Variants in C2orf49 observed in about 807,000 individuals in gnomAD.
C2orf49 encodes the protein tRNA splicing ligase complex subunit 2.
C2orf49 carries 11 observed loss-of-function variants against 20.6 expected under a neutral mutation model. The observed-to-expected ratio is 0.53, with a 90% CI of 0.34 to 0.88. The LOEUF is 0.88. Ranked by LOEUF, C2orf49 falls within the 40% of genes least tolerant of loss-of-function variation. The probability of loss-of-function intolerance (pLI) is 0.02; values close to 1 mark genes in which losing one functional copy is unlikely to be tolerated. For missense variants in C2orf49, 289 were observed against 274.2 expected, an observed-to-expected ratio of 1.05 and a Z score of -0.38; for synonymous variants, 134 against 108.5, an observed-to-expected ratio of 1.24 and a Z score of -1.46.
At chr2:105,359,307 A>G in the C2orf49 span, 3 of 152,214 alleles carry the variant, frequency 2.0e-5, no homozygotes, top group South Asian at 6.2e-4. Context: ...TTACTTTTAT[A>G]TTATGAAGTA....
intron 1 of C2orf49, among the ~76,000 whole-genome samples, chr2:105,339,087 G>T (rs1441096621): frequency 6.6e-6 from 1 of 152,210 alleles, no homozygotes; most frequent in Non-Finnish European, 1.5e-5. Flanking sequence ...GGTATTATTT[G>T]AAATCTTGGT....
At chr2:105,364,883 T>C in the C2orf49 span, among the ~76,000 whole-genome samples, 1 of 152,236 alleles carries the variant, frequency 6.6e-6, no homozygotes, top group Non-Finnish European at 1.5e-5. Context: ...ACTAGAATTC[T>C]GGACTCCCTT....
At chr2:105,373,147 G>A in the C2orf49 span, among the ~76,000 whole-genome samples, 9 of 152,340 alleles carry the variant, frequency 5.9e-5, no homozygotes, top group East Asian at 1.4e-3. Flanking sequence ...TGCTCAGCTC[G>A]AGCCCAGTGC....
chr2:105,341,941 G>A (rs1679682100), intron 2 of C2orf49, among the ~76,000 whole-genome samples: 2 of 152,226 alleles, frequency 1.3e-5, no homozygotes, highest in Admixed American at 1.3e-4. Context: ...ATGTTGGGAG[G>A]CGGGCGGATT....
At chr2:105,340,060 G>T (rs1458611837) in intron 2 of C2orf49, among the ~76,000 whole-genome samples, 1 of 152,208 alleles carries the variant, frequency 6.6e-6, no homozygotes, top group Non-Finnish European at 1.5e-5. Context: ...TTAGTAGAGA[G>T]ACCTGTAGGA....
rs1465241241 is a variant in C2orf49 at position 105,348,091 on chromosome 2, A to C, written c.*2720A>C. 3 of 151,964 alleles carry C rather than the reference A, an allele frequency of 2.0e-5. No homozygotes were observed. Among genetic ancestry groups the C allele is most frequent in the Non-Finnish European group, 4.4e-5 (3 of 68,016 alleles). 9.4% of individuals were successfully genotyped at this position (151,964 alleles called of 1,614,324 possible). On this transcript the variant is annotated 3_prime_UTR_variant, in exon 4 of 4. Coordinates refer to ENST00000258457, the MANE Select transcript of C2orf49 (RefSeq NM_024093.3). ...TAATTCTCCTTCCTCCTTACTGTAG[A>C]TCCCAAGCTTCTAGCTTAGGTTTGC...
the C2orf49 span, chr2:105,361,411 A>G: frequency 1.2e-6 from 2 of 1,613,946 alleles, no homozygotes; most frequent in Non-Finnish European, 1.7e-6. Flanking sequence ...TCCTCAAAGG[A>G]GATGTATTTT....
chr2:105,373,993 C>CTAAAAA, the C2orf49 span: 1 of 501,778 alleles, frequency 2.0e-6, no homozygotes, highest in Non-Finnish European at 3.6e-6. Flanking sequence ...AGAGATGCTT[C>CTAAAAA]TAAAAAACAA....
chr2:105,355,391 C>T, the C2orf49 span, among the ~76,000 whole-genome samples: 7 of 152,134 alleles, frequency 4.6e-5, no homozygotes, highest in African/African-American at 1.2e-4. Context: ...CAATGACAAT[C>T]GTCTCTGCAG....
downstream of C2orf49, among the ~76,000 whole-genome samples, chr2:105,351,625 T>G (rs1679938996): frequency 6.6e-6 from 1 of 152,218 alleles, no homozygotes; most frequent in South Asian, 2.1e-4. Context: ...CGCTCCCGTT[T>G]CCCTGTGACT....
At chr2:105,363,903 G>A in the C2orf49 span, among the ~76,000 whole-genome samples, 15 of 152,290 alleles carry the variant, frequency 9.8e-5, no homozygotes, top group Non-Finnish European at 1.9e-4. Flanking sequence ...CTGCACTTCA[G>A]TTTTCTCATC....
chr2:105,384,513 T>G, the C2orf49 span, among the ~76,000 whole-genome samples: 1 of 151,982 alleles, frequency 6.6e-6, no homozygotes, highest in Admixed American at 6.6e-5. Flanking sequence ...CCAGTTTTTT[T>G]TGGGTCTTTT....
At chr2:105,362,917 G>T in the C2orf49 span, 7,995 of 200,106 alleles carry the variant, frequency 0.04, 217 homozygotes, top group Middle Eastern at 0.08. Context: ...CCACTAAGAT[G>T]CTAGGGGACA....
chr2:105,337,721 G>GGGGGGGGGGGGGCC, intron 1 of C2orf49, 35 bp downstream of exon 1: 2 of 26,800 alleles, frequency 7.5e-5, no homozygotes, highest in Non-Finnish European at 1.3e-4. Flanking sequence ...GGGCGGGTGG[G>GGGGGGGGGGGGGCC]CCTTCCCAGG....
intron 1 of C2orf49, among the ~76,000 whole-genome samples, 164 bp from the exon 2 acceptor site, chr2:105,339,419 C>T (rs1172885821): frequency 6.6e-6 from 1 of 152,182 alleles, no homozygotes; most frequent in Non-Finnish European, 1.5e-5. Context: ...CTAGTATCTA[C>T]AGAATTTAAC....
At chr2:105,368,824 A>T in the C2orf49 span, among the ~76,000 whole-genome samples, 1 of 152,238 alleles carries the variant, frequency 6.6e-6, no homozygotes, top group East Asian at 1.9e-4. Context: ...TGGGGAAATA[A>T]GTATCAGGGA....
intron 3 of C2orf49, among the ~76,000 whole-genome samples, chr2:105,344,720 T>C (rs2679844): frequency 0.73 from 111,295 of 151,518 alleles, 41,111 homozygotes; most frequent in East Asian, 0.82. Flanking sequence ...GCTAGGATTA[T>C]AGGCGCCTGC....
chr2:105,363,843 C>A, the C2orf49 span, among the ~76,000 whole-genome samples: 8 of 152,186 alleles, frequency 5.3e-5, no homozygotes, highest in Non-Finnish European at 8.8e-5. Context: ...TGAATCCTAA[C>A]CCTACTCCTT....
the C2orf49 span, among the ~76,000 whole-genome samples, chr2:105,367,029 C>A: frequency 6.6e-6 from 1 of 152,224 alleles, no homozygotes; most frequent in Non-Finnish European, 1.5e-5. Context: ...CAGCCTTGGC[C>A]TCCCACAGTG....
Sources: gnomAD v4.1 joint callset for allele counts (sites outside exome capture counted in the v4.1 genomes callset) on GRCh38, gnomAD v4.1.1 for gene constraint, MANE v1.5 for transcripts, NCBI Gene and HGNC (gene_info 2026-07-23, HGNC 2026-07-21) for gene names.